Variants in EP400 observed in about 807,000 individuals in gnomAD.
EP400 encodes the protein E1A binding protein p400, also known as E1A-binding protein p400.
A neutral mutation model predicts 354.1 loss-of-function variants in EP400; 105 were observed. That is an observed-to-expected ratio of 0.30 (90% CI 0.25 to 0.35). EP400 has a LOEUF of 0.35. Ranked by LOEUF, EP400 falls within the 10% of genes least tolerant of loss-of-function variation. EP400 has a pLI of 1.00. For synonymous variants in EP400, 1,646 were observed against 1,716.9 expected, an observed-to-expected ratio of 0.96 and a Z score of 1.02; for missense variants, 3,280 against 4,121.0, an observed-to-expected ratio of 0.80 and a Z score of 5.59.
At chr12:131,953,991 T>G (rs1212244994) in intron 1 of EP400, among the ~76,000 whole-genome samples, 2 of 152,154 alleles carry the variant, frequency 1.3e-5, no homozygotes, top group East Asian at 1.9e-4. Flanking sequence ...CTCACACCTG[T>G]AGTCCCAGCT....
At chr12:131,954,710 G>A (rs867644861) in intron 1 of EP400, among the ~76,000 whole-genome samples, 8 of 124,766 alleles carry the variant, frequency 6.4e-5, no homozygotes, top group African/African-American at 1.7e-4. Flanking sequence ...GGGTGATAGA[G>A]TGAGACTCCA....
At chr12:132,040,310 T>C (rs1438875632) in intron 32 of EP400, among the ~76,000 whole-genome samples, 1 of 149,526 alleles carries the variant, frequency 6.7e-6, no homozygotes, top group Non-Finnish European at 1.5e-5. Context: ...GGCAGGGAGG[T>C]TCCTCAAAAA....
chr12:132,074,422 C>T (rs945553210), intron 51 of EP400, among the ~76,000 whole-genome samples: 1 of 151,506 alleles, frequency 6.6e-6, no homozygotes, highest in African/African-American at 2.4e-5. Flanking sequence ...CTGCCTGTTA[C>T]TGAGACGTTG....
chr12:132,004,044 C>G (rs1368202776), intron 12 of EP400, among the ~76,000 whole-genome samples: 1 of 152,178 alleles, frequency 6.6e-6, no homozygotes, highest in Non-Finnish European at 1.5e-5. Flanking sequence ...TGTGAACATT[C>G]TTTGAACAGA....
chr12:132,076,510 T>G lies in EP400; in HGVS notation c.9022-6T>G. On this transcript the variant is annotated splice_polypyrimidine_tract_variant and splice_region_variant and intron_variant, in intron 51 of 52. Transcript: ENST00000389561. Reference sequence around the variant, plus strand: ...TGTATGTTTGGCTTTTTTTGTTTTGTCAAAGGTTGCAAAACTTCCTCAAGT... The same window carrying G: ...TGTATGTTTGGCTTTTTTTGTTTTGGCAAAGGTTGCAAAACTTCCTCAAGT... 6.2e-7 allele frequency: 1 copy of G among 1,614,164 alleles called. No homozygotes were observed. Among genetic ancestry groups the G allele is most frequent in the Non-Finnish European group, 8.5e-7 (1 of 1,180,016 alleles).
chr12:132,044,964 C>T lies in EP400; in HGVS notation c.6784+11C>T, dbSNP rs765127673. ...AAACAGACCCCTCAGGTGCGCATCC[C>T]GAGGGCGTCACATGACCTGGGGGGG... On this transcript the variant is annotated intron_variant, in intron 37 of 52. Transcript: ENST00000389561. 1.4e-5 allele frequency: 23 copies of T among 1,613,230 alleles called. No homozygotes were observed. The highest frequency in any genetic ancestry group is 6.7e-5 in the East Asian group (3 of 44,882).
chr12:132,062,831 T>A, intron 47 of EP400, 130 bp downstream of exon 47: 2 of 1,145,044 alleles, frequency 1.7e-6, no homozygotes, highest in Non-Finnish European at 2.5e-6. Flanking sequence ...TGCCTTTATG[T>A]AGGACGCGTG....
At chr12:132,074,782 G>A (rs952024676) in intron 51 of EP400, among the ~76,000 whole-genome samples, 5 of 152,146 alleles carry the variant, frequency 3.3e-5, no homozygotes, top group African/African-American at 1.2e-4. Context: ...TTTTTATCTT[G>A]ATGATTTATT....
At position 132,045,829 on chromosome 12, in the gene EP400, C is replaced by T; in HGVS notation, c.7129C>T (p.Arg2377Ter). The change falls in exon 39 of 53, where the codon CGA (arginine) becomes TGA (stop). Residue 2377 changes from arginine (R) to a stop codon, truncating the protein, a stop_gained. Transcript: ENST00000389561. LOFTEE classifies it high-confidence loss of function. ...CAGTGACGTTGTTAACTCCTGTAGC[C>T]GAATCTACCGCTCTTCCAAACAGTG... The part of the protein sequence containing the change: ...LVSDVVNSCS[R>*]IYRSSKQCRN... The T allele has an allele frequency of 6.2e-7, 1 of 1,614,194 alleles. No individual in the cohort carries two copies. Among genetic ancestry groups the T allele is most frequent in the Non-Finnish European group, 8.5e-7 (1 of 1,180,038 alleles).
intron 51 of EP400, among the ~76,000 whole-genome samples, chr12:132,073,925 T>TG (rs1565937548): frequency 7.9e-6 from 1 of 126,078 alleles, no homozygotes; most frequent in Non-Finnish European, 1.7e-5. Context: ...TGGGGTTTTT[T>TG]TTTTTTTTTT....
At chr12:131,972,584 A>G (rs939386898) in intron 2 of EP400, among the ~76,000 whole-genome samples, 5 of 152,178 alleles carry the variant, frequency 3.3e-5, no homozygotes, top group African/African-American at 1.2e-4. Context: ...TACTGAGTGC[A>G]GGGGTGTTGC....
In EP400 at chr12:132,080,062, A is replaced by G. The variant is rs1246634860; in HGVS notation, c.*2389A>G. The G allele has an allele frequency of 1.3e-5, 2 of 152,262 alleles. No individual in the cohort carries two copies. Among genetic ancestry groups the G allele is most frequent in the African/African-American group, 4.8e-5 (2 of 41,474 alleles). The allele number at this position is 152,262 out of a possible 1,614,324, so 9.4% of individuals were successfully genotyped here. On this transcript the variant is annotated 3_prime_UTR_variant, in exon 53 of 53. Coordinates refer to ENST00000389561, the MANE Select transcript of EP400 (RefSeq NM_015409.5). ...AGTAAGAGTTGGAAACTTTGAGAAC[A>G]CAGACTATAAAGGCAGCAGCCCGAA...
intron 1 of EP400, among the ~76,000 whole-genome samples, chr12:131,952,437 G>A (rs868379114): frequency 2.0e-4 from 30 of 151,860 alleles, no homozygotes; most frequent in African/African-American, 6.3e-4. Flanking sequence ...GTGAGCCACC[G>A]CGCCCGGCCC....
intron 37 of EP400, 29 bp from the exon 38 acceptor site, chr12:132,045,290 C>G (rs375408968): frequency 6.2e-6 from 10 of 1,612,264 alleles, no homozygotes; most frequent in Middle Eastern, 1.7e-4. Context: ...CTGGTTTACT[C>G]TCTTGCTGAA....
At chr12:132,004,821 C>T (rs140447358) in intron 12 of EP400, among the ~76,000 whole-genome samples, 2 of 152,262 alleles carry the variant, frequency 1.3e-5, no homozygotes, top group Non-Finnish European at 2.9e-5. Context: ...CTCATCATTC[C>T]CCTTGCATCC....
chr12:132,028,231 G>T lies in EP400; in HGVS notation c.5324G>T (p.Ser1775Ile), dbSNP rs113902407. The change falls in exon 27 of 53, where the codon AGT becomes ATT. Residue 1775 changes from serine to isoleucine, a missense_variant. Physicochemically the swap from Ser to Ile is moderately radical, Grantham distance 142. Around this residue, in one of 20 missense-constraint regions of EP400, gnomAD observed 459 missense variants for 496.9 expected, o/e 0.92. Coordinates refer to ENST00000389561, the MANE Select transcript of EP400 (RefSeq NM_015409.5). The part of the protein sequence containing the change: ...HSYTSSSESP[S>I]ELMLTLCRCG... ...TACACTTCATCCTCAGAAAGTCCAA[G>T]TGAGCTGATGTTGACGCTTTGTCGG... The T allele has an allele frequency of 4.2e-4, 685 of 1,614,202 alleles. 1 individual carries two copies. In the African/African-American group the frequency reaches 7.8e-3, roughly 18 times the overall value.
In EP400 at chr12:132,025,926, G is replaced by A. The variant is rs1173694620; in HGVS notation, c.5014+122G>A. The A allele has an allele frequency of 1.7e-6, 2 of 1,195,510 alleles. No homozygotes were observed. Among genetic ancestry groups the A allele is most frequent in the East Asian group, 2.9e-5 (1 of 34,950 alleles). The allele number at this position is 1,195,510 out of a possible 1,614,324, so 74.1% of individuals were successfully genotyped here. A position where few individuals can be genotyped will look rare whatever the true frequency, so the allele number is the denominator to read the frequency against. On this transcript the variant is annotated intron_variant, in intron 25 of 52. Coordinates refer to ENST00000389561, the MANE Select transcript of EP400 (RefSeq NM_015409.5). This position sits in a 1 kb window ranked among gnomAD's most constrained non-coding sequence, Gnocchi z 4.1. The stretch of plus-strand genomic sequence containing the variant: ...TCAGAACAGCACAGTCTAGTGTGTG[G>A]CCATCTCTGATTTCTATAGATGTGT...
chr12:132,055,545 TTGTG>T (rs1212056086), intron 45 of EP400, among the ~76,000 whole-genome samples: 3 of 68,054 alleles, frequency 4.4e-5, no homozygotes, highest in African/African-American at 6.2e-5. Flanking sequence ...GGTGTAGGGG[TTGTG>T]TGTGTGAGGT....
intron 24 of EP400, among the ~76,000 whole-genome samples, chr12:132,024,669 A>G (rs1894237244): frequency 6.6e-6 from 1 of 151,832 alleles, no homozygotes; most frequent in Admixed American, 6.6e-5. Context: ...CACCCACAGC[A>G]GCCCCCGCAG....
Sources: allele counts gnomAD v4.1 joint callset (sites outside exome capture counted in the v4.1 genomes callset), GRCh38; gene constraint gnomAD v4.1.1; regional missense constraint gnomAD v4.1.1; non-coding constraint Gnocchi (gnomAD v3.1); transcripts MANE v1.5; gene names NCBI Gene and HGNC (gene_info 2026-07-23, HGNC 2026-07-21).